MAP7D3: variants seen among roughly 807,000 people sequenced by gnomAD.
MAP7D3 encodes the protein MAP7 domain containing 3, also known as MAP7 domain-containing protein 3.
Under a neutral mutation model 62.2 loss-of-function variants are expected in MAP7D3, and 45 were observed. The ratio of observed to expected loss-of-function variants is 0.72; its 90% CI spans 0.57 to 0.93. MAP7D3 has a LOEUF of 0.93. Ranked by LOEUF, MAP7D3 falls within the 40% of genes least tolerant of loss-of-function variation. MAP7D3 has a pLI of 0.00. For missense variants in MAP7D3, 711 were observed against 683.1 expected, an observed-to-expected ratio of 1.04 and a Z score of -0.45; for synonymous variants, 288 against 248.8, an observed-to-expected ratio of 1.16 and a Z score of -1.48.
chrX:136,253,423 G>C (rs1351555438), upstream of MAP7D3, among the ~76,000 whole-genome samples: 1 of 112,215 alleles, frequency 8.9e-6, no homozygotes, highest in African/African-American at 3.2e-5. Flanking sequence ...CTGTGATATA[G>C]TCCACAAAAT....
At chrX:136,226,542 G>C (rs1055846574) in intron 12 of MAP7D3, among the ~76,000 whole-genome samples, 2 of 111,696 alleles carry the variant, frequency 1.8e-5, no homozygotes, top group Admixed American at 9.5e-5. Flanking sequence ...AGATAGATGA[G>C]ACATTCTTCA....
chrX:136,246,985 A>G (rs1334251692), intron 1 of MAP7D3, among the ~76,000 whole-genome samples: 4 of 112,376 alleles, frequency 3.6e-5, no homozygotes, highest in Non-Finnish European at 7.5e-5. Context: ...GGCATCTACA[A>G]TTGTTGAGCT....
chrX:136,230,910 T>C lies in MAP7D3; in HGVS notation c.1470A>G (p.Ser490=). ...LIPIAKKRLS[S]YTECYKWSSS... The stretch of plus-strand genomic sequence containing the variant: ...ATGACCATTTATAACACTCAGTGTA[T>C]GATGATAGACGCTTCTTGGCAATAG... Residue 490 remains serine (S), a synonymous_variant, in exon 9 of 19, where the codon TCA becomes TCG. Transcript: ENST00000316077. The C allele has an allele frequency of 3.3e-6, 4 of 1,199,402 alleles. No individual in the cohort carries two copies. The highest frequency in any genetic ancestry group is 4.5e-6 in the Non-Finnish European group (4 of 884,559).
chrX:136,251,315 G>A lies in MAP7D3; in HGVS notation c.44C>T (p.Ser15Phe). ...CATCCGTGCCCGCAGCTCTCTCAAGGATGGGCTGCCGCCAGCGCCAGCTGC... is the reference window on the plus strand; with the variant it reads ...CATCCGTGCCCGCAGCTCTCTCAAGAATGGGCTGCCGCCAGCGCCAGCTGC... The part of the protein sequence containing the change: ...GAAAGAGGSP[S>F]LRELRARMVA... Residue 15 changes from serine (S) to phenylalanine (F), a missense_variant, in exon 1 of 19, where the codon TCC (serine) becomes TTC (phenylalanine). Physicochemically the swap from Ser to Phe is radical, Grantham distance 155. Coordinates refer to ENST00000316077, the MANE Select transcript of MAP7D3 (RefSeq NM_024597.4). The A allele has an allele frequency of 1.8e-6, 2 of 1,130,519 alleles. No homozygotes were observed. Among genetic ancestry groups the A allele is most frequent in the South Asian group, 3.9e-5 (2 of 50,710 alleles). The allele number at this position is 1,130,519 out of a possible 1,213,427, so 93.2% of individuals were successfully genotyped here.
Position 136,230,510 on chromosome X carries a change from A to C in MAP7D3, c.1625T>G (p.Ile542Arg), listed in dbSNP as rs2074254159. The C allele has an allele frequency of 8.4e-7, 1 of 1,193,135 alleles. No homozygotes were observed. The highest frequency in any genetic ancestry group is 1.7e-5 in the African/African-American group (1 of 57,443). ...QSPQTSFPYK[I>R]MPIQHTLSVQ... ...AGACAGGGTGTGTTGAATAGGCATT[A>C]TTTTATAAGGAAAAGAAGTCTGTGG... is the stretch of plus-strand genomic sequence containing the variant. The change falls in exon 10 of 19, where the codon ATA (isoleucine) becomes AGA (arginine). Residue 542 changes from isoleucine (I) to arginine (R), a missense_variant. By Grantham distance (97) the Ile-to-Arg change is moderately conservative. Coordinates refer to ENST00000316077, the MANE Select transcript of MAP7D3 (RefSeq NM_024597.4).
At chrX:136,223,156 G>A (rs767055983) in intron 14 of MAP7D3, among the ~76,000 whole-genome samples, 2 of 111,175 alleles carry the variant, frequency 1.8e-5, no homozygotes, top group African/African-American at 3.3e-5. Context: ...GTTGCTGCTT[G>A]AGGGAAAACT....
At chrX:136,225,827 G>T in intron 13 of MAP7D3, 82 bp downstream of exon 13, 1 of 628,205 alleles carries the variant, frequency 1.6e-6, no homozygotes, top group Non-Finnish European at 2.5e-6. Context: ...TCAGATTTGT[G>T]ATTTTTAAAA....
chrX:136,236,408 C>T, intron 6 of MAP7D3, 69 bp from the exon 7 acceptor site: 1 of 561,896 alleles, frequency 1.8e-6, no homozygotes, highest in Non-Finnish European at 2.8e-6. Flanking sequence ...TGAGATACTC[C>T]TTTTTCAAAC....
exon 1 of MAP7D3, chrX:136,256,467 T>C (rs1158300283): frequency 5.5e-6 from 3 of 543,724 alleles, no homozygotes; most frequent in African/African-American, 4.7e-5. Context: ...CAGGCTGCTC[T>C]GTACCATTTC....
chrX:136,233,996 C>T (rs1017283803), intron 7 of MAP7D3, among the ~76,000 whole-genome samples: 2 of 110,701 alleles, frequency 1.8e-5, no homozygotes, highest in African/African-American at 6.6e-5. Flanking sequence ...GAAAGGGAGA[C>T]TGGCAGAAAA....
At chrX:136,224,427 G>A (rs1195693177) in intron 14 of MAP7D3, among the ~76,000 whole-genome samples, 6 of 104,834 alleles carry the variant, frequency 5.7e-5, no homozygotes, top group South Asian at 4.4e-4. Flanking sequence ...AATGATCAGC[G>A]TTTGAGGTGA....
rs2074098375 is a variant in MAP7D3 at position 136,219,512 on chromosome X, G to A, written c.2566-17C>T. 1 of 1,195,470 alleles carries A rather than the reference G, an allele frequency of 8.4e-7. No homozygotes were observed. Among genetic ancestry groups the A allele is most frequent in the East Asian group, 3.0e-5 (1 of 33,802 alleles). On this transcript the variant is annotated splice_polypyrimidine_tract_variant and intron_variant, in intron 17 of 18. Coordinates refer to ENST00000316077, the MANE Select transcript of MAP7D3 (RefSeq NM_024597.4). The stretch of plus-strand genomic sequence containing the variant: ...TGTTTGTGCCTGTCAGGAGAAAAAT[G>A]TGACAAAGATAGTTCTGTGTGACTT...
Position 136,222,407 on chromosome X carries a change from TC to T in MAP7D3, c.2272del (p.Glu758LysfsTer8), listed in dbSNP as rs1406522590. 1.7e-6 allele frequency: 2 copies of T among 1,207,025 alleles called. No individual in the cohort carries two copies. On this transcript the variant is annotated frameshift_variant, in exon 15 of 19. Coordinates refer to ENST00000316077, the MANE Select transcript of MAP7D3 (RefSeq NM_024597.4). LOFTEE classifies it high-confidence loss of function. ...NEESDKDSLN[E>X]MFPSAILNGT... The stretch of plus-strand genomic sequence containing the variant: ...TGGTGACTAACCTGATGGAAACATT[TC>T]ATTCAATGAGTCCTTGTCGCTTTCT...
chrX:136,230,466 T>C lies in MAP7D3; in HGVS notation c.1669A>G (p.Thr557Ala), dbSNP rs1222107569. 2 of 1,196,220 alleles carry C rather than the reference T, an allele frequency of 1.7e-6. No homozygotes were observed. The highest frequency in any genetic ancestry group is 1.1e-6 in the Non-Finnish European group (1 of 882,810). Residue 557 changes from threonine (T) to alanine (A), a missense_variant, in exon 10 of 19, where the codon ACT becomes GCT. Transcript: ENST00000316077. ...ACTGTTTCTTTTTTCTTTTTGACAG[T>C]ACTTGATGCACTTTGCACAGACAGG... ...HTLSVQSASSTVKKKKETVSK... is the reference protein window; with the variant it reads ...HTLSVQSASSAVKKKKETVSK...
intron 6 of MAP7D3, among the ~76,000 whole-genome samples, chrX:136,239,869 T>G (rs1407151300): frequency 4.5e-5 from 5 of 112,072 alleles, no homozygotes; most frequent in Non-Finnish European, 9.4e-5. Context: ...GGTCCAATAA[T>G]CCCATCTGAT....
chrX:136,255,786 G>A (rs181925459), upstream of MAP7D3, among the ~76,000 whole-genome samples: 24 of 111,236 alleles, frequency 2.2e-4, no homozygotes, highest in East Asian at 6.7e-3. Flanking sequence ...GTTCCCCAGC[G>A]AGCAGAGAAG....
At chrX:136,256,026 G>A (rs754695772), upstream of MAP7D3, 13 of 745,143 alleles carry the variant, frequency 1.7e-5, no homozygotes, top group Non-Finnish European at 1.6e-6. Context: ...CCACAGTCCT[G>A]TACTATGAGT....
chrX:136,222,428 C>T lies in MAP7D3; in HGVS notation c.2252G>A (p.Ser751Asn). The change falls in exon 15 of 19, where the codon AGC becomes AAC. Residue 751 changes from serine (S) to asparagine (N), a missense_variant. Ser to Asn is a conservative substitution (Grantham distance 46). Coordinates refer to ENST00000316077, the MANE Select transcript of MAP7D3 (RefSeq NM_024597.4). ...CATTTCATTCAATGAGTCCTTGTCG[C>T]TTTCTTCGTTGTCAGCCTCAGCCTC... is the stretch of plus-strand genomic sequence containing the variant. Reference protein sequence around the residue: ...YEEAEADNEESDKDSLNEMFP... With the variant: ...YEEAEADNEENDKDSLNEMFP... 2 of 1,210,277 alleles carry T rather than the reference C, an allele frequency of 1.7e-6. No individual in the cohort carries two copies. Among genetic ancestry groups the T allele is most frequent in the Non-Finnish European group, 2.2e-6 (2 of 894,227 alleles).
At chrX:136,251,411 C>T, upstream of MAP7D3, 1 of 866,109 alleles carries the variant, frequency 1.2e-6, no homozygotes, top group Non-Finnish European at 1.4e-6. Flanking sequence ...GCGCAGGCGT[C>T]GGCGCGGCCT....
Sources: gnomAD v4.1 joint callset for allele counts (sites outside exome capture counted in the v4.1 genomes callset) on GRCh38, gnomAD v4.1.1 for gene constraint, MANE v1.5 for transcripts, NCBI Gene and HGNC (gene_info 2026-07-23, HGNC 2026-07-21) for gene names.